OSER1: variants seen among roughly 807,000 people sequenced by gnomAD.
The protein encoded by OSER1 is oxidative stress-responsive serine-rich protein 1.
OSER1 carries 15 observed loss-of-function variants against 26.3 expected under a neutral mutation model. That is an observed-to-expected ratio of 0.57 (90% CI 0.38 to 0.88). The LOEUF is 0.88. Among genes scored for constraint, OSER1 ranks in the 40% least tolerant of loss-of-function variants. The pLI, the probability that OSER1 is intolerant of heterozygous loss-of-function variation, is 0.00. For synonymous variants in OSER1, 127 were observed against 128.2 expected, an observed-to-expected ratio of 0.99 and a Z score of 0.07; for missense variants, 313 against 353.9, an observed-to-expected ratio of 0.88 and a Z score of 0.93.
chr20:44,206,447 G>C (rs1427004737), intron 2 of OSER1, among the ~76,000 whole-genome samples: 1 of 152,150 alleles, frequency 6.6e-6, no homozygotes, highest in Non-Finnish European at 1.5e-5. Flanking sequence ...CTGAATAGAG[G>C]TTTCCATAGT....
intron 3 of OSER1, among the ~76,000 whole-genome samples, chr20:44,198,038 G>A (rs1259471365): frequency 1.3e-5 from 2 of 152,178 alleles, no homozygotes; most frequent in East Asian, 3.9e-4. Flanking sequence ...CTAAGCTTGG[G>A]AGCCTTTGAC....
chr20:44,210,944 C>T (rs1276416902), upstream of OSER1: 1 of 152,292 alleles, frequency 6.6e-6, no homozygotes. Flanking sequence ...CTCTCCAACG[C>T]CCCGCACCCG....
upstream of OSER1, among the ~76,000 whole-genome samples, chr20:44,211,788 A>T (rs989937294): frequency 2.0e-5 from 3 of 152,162 alleles, no homozygotes; most frequent in Non-Finnish European, 4.4e-5. Flanking sequence ...TCGCCTGCCA[A>T]TCTCCAGCTC....
At chr20:44,199,308 T>C (rs987153086) in intron 3 of OSER1, among the ~76,000 whole-genome samples, 12 of 152,210 alleles carry the variant, frequency 7.9e-5, no homozygotes, top group African/African-American at 2.9e-4. Flanking sequence ...GGGACAGGGA[T>C]AGTTATCACA....
Position 44,197,585 on chromosome 20 carries a change from C to A in OSER1, c.346G>T (p.Asp116Tyr), listed in dbSNP as rs755382758. The stretch of plus-strand genomic sequence containing the variant: ...GAAATTCCCAGCCCACTGCTGCCAT[C>A]AGGTGAGTCAGTCTGGCTTTTGTGC... ...LKHKSQTDSP[D>Y]GSSGLGISSP... The change falls in exon 4 of 4, where the codon GAT (aspartate) becomes TAT (tyrosine). Residue 116 changes from aspartate (D) to tyrosine (Y), a missense_variant. Asp to Tyr is a radical substitution (Grantham distance 160). Coordinates refer to ENST00000255174, the MANE Select transcript of OSER1 (RefSeq NM_016470.8). The A allele has an allele frequency of 6.2e-7, 1 of 1,614,212 alleles. No homozygotes were observed. Among genetic ancestry groups the A allele is most frequent in the South Asian group, 1.1e-5 (1 of 91,082 alleles).
intron 1 of OSER1, among the ~76,000 whole-genome samples, chr20:44,208,202 T>C (rs1453004904): frequency 2.0e-5 from 3 of 149,216 alleles, no homozygotes; most frequent in Non-Finnish European, 4.4e-5. Context: ...TCTGCTCGTT[T>C]CTCAAGGTGG....
At chr20:44,210,237 C>A (rs956421392) in intron 1 of OSER1, among the ~76,000 whole-genome samples, 4 of 152,122 alleles carry the variant, frequency 2.6e-5, no homozygotes, top group Non-Finnish European at 5.9e-5. Flanking sequence ...TGTGAAGTTG[C>A]GCTCCTCGGG....
chr20:44,196,958 T>A lies in OSER1; in HGVS notation c.*94A>T. On this transcript the variant is annotated 3_prime_UTR_variant, in exon 4 of 4. Transcript: ENST00000255174. ...CAAGCACAGTGAGCAGAAAGAGATG[T>A]CTTCTCACACAAAGTGGCCACAAGG... The A allele has an allele frequency of 1.2e-6, 1 of 818,590 alleles. No individual in the cohort carries two copies. Among genetic ancestry groups the A allele is most frequent in the Non-Finnish European group, 2.0e-6 (1 of 499,186 alleles). The allele number at this position is 818,590 out of a possible 1,614,324, so 50.7% of individuals were successfully genotyped here.
intron 2 of OSER1, among the ~76,000 whole-genome samples, chr20:44,205,242 G>T (rs6031454): frequency 0.23 from 35,601 of 151,956 alleles, 6,129 homozygotes; most frequent in African/African-American, 0.48. Flanking sequence ...TATAATTGTG[G>T]GTACACATTC....
chr20:44,210,857 T>C (rs1255389718), upstream of OSER1: 2 of 151,202 alleles, frequency 1.3e-5, no homozygotes, highest in African/African-American at 2.4e-5. Flanking sequence ...CCCCTCCCCC[T>C]GCTTATGCTC....
intron 1 of OSER1, among the ~76,000 whole-genome samples, chr20:44,209,189 G>A (rs1037184140): frequency 2.6e-5 from 4 of 152,182 alleles, no homozygotes; most frequent in African/African-American, 7.2e-5. Flanking sequence ...TTACATTCCT[G>A]TTGACACACT....
chr20:44,197,915 C>A (rs1971447), intron 3 of OSER1, among the ~76,000 whole-genome samples, 176 bp from the exon 4 acceptor site: 83,160 of 151,972 alleles, frequency 0.55, 24,162 homozygotes, highest in African/African-American at 0.75. Context: ...TGTGTCTCAA[C>A]AACTTCAACA....
At chr20:44,199,584 G>GA (rs886093752) in intron 3 of OSER1, among the ~76,000 whole-genome samples, 1 of 152,068 alleles carries the variant, frequency 6.6e-6, no homozygotes, top group Non-Finnish European at 1.5e-5. Flanking sequence ...ATAAGGAAAG[G>GA]AAAAAAATAA....
intron 2 of OSER1, among the ~76,000 whole-genome samples, chr20:44,206,332 T>G (rs1448266012): frequency 6.6e-6 from 1 of 152,188 alleles, no homozygotes; most frequent in Non-Finnish European, 1.5e-5. Flanking sequence ...ACAGAACATT[T>G]TGCAAAGGGT....
chr20:44,201,441 T>C (rs915590591), intron 3 of OSER1, among the ~76,000 whole-genome samples: 4 of 152,150 alleles, frequency 2.6e-5, no homozygotes, highest in Non-Finnish European at 5.9e-5. Flanking sequence ...AGTTATACAA[T>C]GCAGAGGTCC....
At chr20:44,202,334 C>T (rs934738170) in intron 3 of OSER1, among the ~76,000 whole-genome samples, 1 of 152,000 alleles carries the variant, frequency 6.6e-6, no homozygotes. Context: ...GAGATTGTGA[C>T]ACTGCACTCC....
intron 2 of OSER1, among the ~76,000 whole-genome samples, chr20:44,205,933 C>T (rs2073033247): frequency 8.6e-6 from 1 of 115,782 alleles, no homozygotes; most frequent in African/African-American, 3.7e-5. Flanking sequence ...GGGCCAGAAT[C>T]CGTCTCAAAA....
At chr20:44,209,699 C>G (rs1274767275) in intron 1 of OSER1, among the ~76,000 whole-genome samples, 1 of 152,210 alleles carries the variant, frequency 6.6e-6, no homozygotes, top group Non-Finnish European at 1.5e-5. Context: ...GTTCCTCCAT[C>G]AAAAGGCCAA....
chr20:44,211,691 A>T (rs1253958389), upstream of OSER1, among the ~76,000 whole-genome samples: 1 of 152,208 alleles, frequency 6.6e-6, no homozygotes, highest in Non-Finnish European at 1.5e-5. Context: ...TGTTGCTCAG[A>T]TGGTAGGCGG....
Sources: gnomAD v4.1 joint callset for allele counts (sites outside exome capture counted in the v4.1 genomes callset) on GRCh38, gnomAD v4.1.1 for gene constraint, MANE v1.5 for transcripts, NCBI Gene and HGNC (gene_info 2026-07-23, HGNC 2026-07-21) for gene names.